The following ZNF438 variants were observed in gnomAD, a reference collection of about 807,000 sequenced individuals.
ZNF438 encodes the protein zinc finger protein 438.
Under a neutral mutation model 38.0 loss-of-function variants are expected in ZNF438, and 25 were observed. That is an observed-to-expected ratio of 0.66 (90% CI 0.48 to 0.92). ZNF438 has a LOEUF of 0.92. ZNF438 is among the 40% of genes least tolerant of loss of function. The pLI is 0.00. For synonymous variants in ZNF438, 372 were observed against 364.1 expected, an observed-to-expected ratio of 1.02 and a Z score of -0.25; for missense variants, 1,007 against 999.6, an observed-to-expected ratio of 1.01 and a Z score of -0.10.
At chr10:30,927,508 C>A (rs143252140) in intron 2 of ZNF438, among the ~76,000 whole-genome samples, 12 of 152,356 alleles carry the variant, frequency 7.9e-5, no homozygotes, top group African/African-American at 2.4e-4. Flanking sequence ...ATTTCCCACC[C>A]TAGCTAAAGA....
chr10:31,022,700 C>A (rs771949376), intron 1 of ZNF438, among the ~76,000 whole-genome samples: 5 of 152,188 alleles, frequency 3.3e-5, no homozygotes, highest in Non-Finnish European at 5.9e-5. Context: ...CATGACAATG[C>A]CCAACCGCAC....
intron 2 of ZNF438, among the ~76,000 whole-genome samples, chr10:30,913,583 G>A (rs7091994): frequency 0.012 from 1,823 of 152,126 alleles, 50 homozygotes; most frequent in African/African-American, 0.042. Flanking sequence ...TCAGGTTAGA[G>A]AAAGAGTAAG....
In ZNF438 at chr10:30,940,944, C is replaced by A. The variant is rs184599304; in HGVS notation, c.-115+631G>T. Among the ~76,000 whole-genome samples, 3 of 152,086 alleles carry A rather than the reference C, an allele frequency of 2.0e-5. No homozygotes were observed. In the East Asian group the frequency reaches 5.8e-4, roughly 29 times the overall value. ...AACTATATATATATATTAGCTACAACGCAAAAGCATTGTTTGGCACTTAGG... is the reference window on the plus strand; with the variant it reads ...AACTATATATATATATTAGCTACAAAGCAAAAGCATTGTTTGGCACTTAGG... On this transcript the variant is annotated intron_variant, in intron 2 of 5. Transcript: ENST00000413025.
intron 1 of ZNF438, among the ~76,000 whole-genome samples, chr10:31,005,281 G>GTA (rs765435295): frequency 5.9e-5 from 9 of 151,964 alleles, no homozygotes; most frequent in East Asian, 1.9e-4. Flanking sequence ...ATGTGTGTGT[G>GTA]TATATATATA....
chr10:30,849,426 C>T (rs1325734323), exon 5 of ZNF438: 3 of 1,614,084 alleles, frequency 1.9e-6, no homozygotes, highest in Middle Eastern at 1.6e-4. Flanking sequence ...GGTATCTTAT[C>T]ACAGTCGGCC....
intron 2 of ZNF438, among the ~76,000 whole-genome samples, chr10:30,930,587 T>A (rs907112134): frequency 6.6e-6 from 1 of 151,564 alleles, no homozygotes. Context: ...TGGCATGTTG[T>A]CACCTCTCAA....
chr10:30,952,419 A>G (rs1234189486), intron 1 of ZNF438, among the ~76,000 whole-genome samples: 1 of 152,232 alleles, frequency 6.6e-6, no homozygotes, highest in African/African-American at 2.4e-5. Context: ...ATTAAATTAA[A>G]GAGCTTCTGA....
chr10:30,878,522 G>A (rs1013120428), intron 3 of ZNF438, among the ~76,000 whole-genome samples: 15 of 151,966 alleles, frequency 9.9e-5, no homozygotes, highest in African/African-American at 2.9e-4. Flanking sequence ...GCATGACCTC[G>A]TTCTTCTTGG....
chr10:30,866,565 T>A (rs1433684799), intron 4 of ZNF438, among the ~76,000 whole-genome samples: 1 of 152,176 alleles, frequency 6.6e-6, no homozygotes, highest in Non-Finnish European at 1.5e-5. Context: ...TCAGGCGCGG[T>A]GGCTCACGCC....
At chr10:31,008,008 T>C (rs538123598) in intron 1 of ZNF438, among the ~76,000 whole-genome samples, 2 of 152,356 alleles carry the variant, frequency 1.3e-5, no homozygotes, top group Admixed American at 1.3e-4. Flanking sequence ...TATTGCTAAT[T>C]AACTGATTCA....
At chr10:30,871,884 G>C (rs7920736) in intron 4 of ZNF438, among the ~76,000 whole-genome samples, 2 of 151,942 alleles carry the variant, frequency 1.3e-5, no homozygotes, top group Non-Finnish European at 2.9e-5. Context: ...GGGGCCGCCT[G>C]TGTGTCTGCG....
chr10:30,948,109 T>A (rs545668872), intron 1 of ZNF438, among the ~76,000 whole-genome samples: 2 of 152,126 alleles, frequency 1.3e-5, no homozygotes, highest in Non-Finnish European at 2.9e-5. Flanking sequence ...CTGAGCAGCC[T>A]AACTGGGAGG....
chr10:30,846,786 G>A (rs903222277), intron 5 of ZNF438, among the ~76,000 whole-genome samples: 2 of 152,176 alleles, frequency 1.3e-5, no homozygotes, highest in Admixed American at 6.5e-5. Flanking sequence ...TGCACTCTCA[G>A]GGGTCCAGGA....
intron 2 of ZNF438, among the ~76,000 whole-genome samples, chr10:30,915,330 T>C (rs772037597): frequency 1.3e-5 from 2 of 152,038 alleles, no homozygotes; most frequent in Non-Finnish European, 2.9e-5. Flanking sequence ...TCTTACAAGA[T>C]ATTGCAGAAC....
rs965792511 is a variant in ZNF438, at chr10:30,958,440, G to A, written c.-191-16789C>T. Among the ~76,000 whole-genome samples the A allele has an allele frequency of 2.7e-5, 4 of 147,056 alleles. 1 individual carries two copies. The highest frequency in any genetic ancestry group is 6.2e-5 in the Non-Finnish European group (4 of 64,832). ...GAGAGATGTCTTCTTAGAGAGCTTA[G>A]AGCAAAATCCATGATCCACCTCAAG... On this transcript the variant is annotated intron_variant, in intron 1 of 5. Transcript: ENST00000413025.
At chr10:31,019,276 C>T (rs2056424138) in intron 1 of ZNF438, among the ~76,000 whole-genome samples, 2 of 152,206 alleles carry the variant, frequency 1.3e-5, no homozygotes, top group African/African-American at 4.8e-5. Flanking sequence ...TGTGCCCCTT[C>T]ATTGCCTCTC....
At chr10:30,919,564 T>C (rs981836481) in intron 2 of ZNF438, 1 of 152,188 alleles carries the variant, frequency 6.6e-6, no homozygotes, top group African/African-American at 2.4e-5. Flanking sequence ...TCATTTCTTT[T>C]GCGTGTGATT....
intron 1 of ZNF438, among the ~76,000 whole-genome samples, chr10:31,015,269 A>G (rs17229788): frequency 0.08 from 12,209 of 152,256 alleles, 602 homozygotes; most frequent in Non-Finnish European, 0.11. Flanking sequence ...TGTTTCTGTC[A>G]TTATTACCAG....
chr10:30,845,230 G>C (rs1381518660), exon 6 of ZNF438: 2 of 1,614,158 alleles, frequency 1.2e-6, no homozygotes, highest in Non-Finnish European at 1.7e-6. Context: ...TTTTCCATGA[G>C]CATTTCCACG....
Sources: gnomAD v4.1 joint callset for allele counts (sites outside exome capture counted in the v4.1 genomes callset) on GRCh38, gnomAD v4.1.1 for gene constraint, MANE v1.5 for transcripts, NCBI Gene and HGNC (gene_info 2026-07-23, HGNC 2026-07-21) for gene names.